Variants in WDR36 observed in about 807,000 individuals in gnomAD.
WDR36 encodes the protein WD repeat domain 36.
A neutral mutation model predicts 112.7 loss-of-function variants in WDR36; 63 were observed. The ratio of observed to expected loss-of-function variants is 0.56; its 90% CI spans 0.46 to 0.69. WDR36 has a LOEUF of 0.69. Among genes scored for constraint, WDR36 ranks in the 30% least tolerant of loss-of-function variants. WDR36 has a pLI of 0.00. For synonymous variants in WDR36, 410 were observed against 362.2 expected (o/e 1.13, Z -1.50); for missense variants, 1,226 against 1,070.3 (o/e 1.15, Z -2.03).
Position 111,105,375 on chromosome 5 carries a change from A to G in WDR36, c.1093+15A>G. 6.2e-7 allele frequency: 1 copy of G among 1,605,036 alleles called. No individual in the cohort carries two copies. The highest frequency in any genetic ancestry group is 8.5e-7 in the Non-Finnish European group (1 of 1,172,934). ...CTTGGGACATGGTAGGTCCTCTACA[A>G]GACAAAATAAGCTGGTCACGAAAGA... On this transcript the variant is annotated intron_variant, in intron 10 of 22. Coordinates refer to ENST00000513710, the MANE Select transcript of WDR36 (RefSeq NM_139281.3).
intron 2 of WDR36, among the ~76,000 whole-genome samples, chr5:111,096,403 T>C (rs1471598368): frequency 6.6e-6 from 1 of 152,186 alleles, no homozygotes; most frequent in African/African-American, 2.4e-5. Flanking sequence ...GAACTTGATG[T>C]TCCAGAAGAT....
At chr5:111,110,520 T>C (rs997211227) in intron 13 of WDR36, among the ~76,000 whole-genome samples, 1 of 151,508 alleles carries the variant, frequency 6.6e-6, no homozygotes, top group Non-Finnish European at 1.5e-5. Flanking sequence ...ATTATACAGA[T>C]TAATTTTTTT....
rs1366875217 is a variant in WDR36 at position 111,098,782 on chromosome 5, C to A, written c.352C>A (p.His118Asn). 3.7e-6 allele frequency: 6 copies of A among 1,612,768 alleles called. No individual in the cohort carries two copies. The Admixed American group carries it at 5.0e-5, about 13-fold the overall frequency. ...CCATTTCTTGCAACCCTTTGGAGAC[C>A]ACATTATCTCTGTTGATACTGATGG... The part of the protein sequence containing the change: ...EIHFLQPFGD[H>N]IISVDTDGIL... The change falls in exon 4 of 23, where the codon CAC becomes AAC. Residue 118 changes from histidine (H) to asparagine (N), a missense_variant. Physicochemically the swap from His to Asn is moderately conservative, Grantham distance 68. Coordinates refer to ENST00000513710, the MANE Select transcript of WDR36 (RefSeq NM_139281.3).
chr5:111,114,595 T>A (rs1052420970), intron 16 of WDR36, among the ~76,000 whole-genome samples: 7 of 152,202 alleles, frequency 4.6e-5, no homozygotes, highest in African/African-American at 1.7e-4. Context: ...CAGGTTTGTC[T>A]CTTTCACTTA....
In WDR36 at chr5:111,111,406, G is replaced by T. The variant is rs111878632; in HGVS notation, c.1716+128G>T. The T allele has an allele frequency of 1.3e-3, 1,008 of 785,860 alleles. 5 individuals are homozygous for T. Among genetic ancestry groups the T allele is most frequent in the African/African-American group, 8.9e-3 (509 of 57,018 alleles). The allele number at this position is 785,860 out of a possible 1,614,324, so 48.7% of individuals were successfully genotyped here. ...TTTAATTTGCAGGCTATTTTTCAAA[G>T]ATTTTAAAGGAAAATTTTGAATTAA... On this transcript the variant is annotated intron_variant, in intron 15 of 22. Transcript: ENST00000513710.
chr5:111,105,950 G>C, intron 10 of WDR36, 107 bp from the exon 11 acceptor site: 1 of 822,260 alleles, frequency 1.2e-6, no homozygotes, highest in Non-Finnish European at 2.1e-6. Context: ...ACTTAAATGG[G>C]AATATCTTGT....
intron 1 of WDR36, among the ~76,000 whole-genome samples, chr5:111,094,710 C>T (rs1407991710): frequency 6.6e-6 from 1 of 152,112 alleles, no homozygotes; most frequent in Non-Finnish European, 1.5e-5. Context: ...TTATAGAAAA[C>T]ATTTGCCTAC....
chr5:111,104,338 G>A lies in WDR36; in HGVS notation c.892G>A (p.Asp298Asn), dbSNP rs201449456. 362 of 1,611,680 alleles carry A rather than the reference G, an allele frequency of 2.2e-4. No homozygotes were observed. The highest frequency in any genetic ancestry group is 2.6e-4 in the Non-Finnish European group (308 of 1,178,362). ...REPLLVTNGA[D>N]NALRIWIFDG... ...GCCACTTCTTGTCACAAATGGCGCT[G>A]ACAATGCTCTTAGGGTATTATGATT... The change falls in exon 8 of 23, where the codon GAC becomes AAC. Residue 298 changes from aspartate (D) to asparagine (N), a missense_variant. Physicochemically the swap from Asp to Asn is conservative, Grantham distance 23. Transcript: ENST00000513710.
chr5:111,118,953 G>T, intron 16 of WDR36, 60 bp from the exon 17 acceptor site: 1 of 1,398,868 alleles, frequency 7.1e-7, no homozygotes. Flanking sequence ...AAATATTTTT[G>T]TGAATTATCT....
intron 8 of WDR36, 124 bp from the exon 9 acceptor site, chr5:111,104,573 A>G (rs1753187035): frequency 6.8e-7 from 1 of 1,475,166 alleles, no homozygotes; most frequent in South Asian, 1.1e-5. Flanking sequence ...CCTCCCTTGT[A>G]GCTCCAGAGT....
rs1455603902 is a variant in WDR36 at position 111,126,772 on chromosome 5, A to G, written c.2577A>G (p.Leu859=). The change falls in exon 23 of 23, where the codon CTA becomes CTG. Residue 859 remains leucine (L), a synonymous_variant. Transcript: ENST00000513710. ...LKMLPSEPVL[L]EEITNLSSQV... Reference sequence around the variant, plus strand: ...TGCTTCCTTCAGAGCCAGTACTCCTAGAAGAAATAACAAATTTGTCATCCC... The same window carrying G: ...TGCTTCCTTCAGAGCCAGTACTCCTGGAAGAAATAACAAATTTGTCATCCC... The G allele has an allele frequency of 6.2e-7, 1 of 1,613,794 alleles. No individual in the cohort carries two copies. The highest frequency in any genetic ancestry group is 8.5e-7 in the Non-Finnish European group (1 of 1,179,804).
rs114913118 is a variant in WDR36, at chr5:111,102,320, C to T, written c.543-25C>T. 1,108 of 1,581,512 alleles carry T rather than the reference C, an allele frequency of 7.0e-4. 7 individuals are homozygous for T. In the African/African-American group the frequency reaches 0.013, roughly 19 times the overall value. On this transcript the variant is annotated intron_variant, in intron 5 of 22. Transcript: ENST00000513710. ...TTCCTCCAAAAAAAAAAAAATACAG[C>T]TTTCAACTATTTTTCTTCTTGTAGT... is the stretch of plus-strand genomic sequence containing the variant.
At chr5:111,106,923 A>G (rs943405718) in intron 11 of WDR36, among the ~76,000 whole-genome samples, 2 of 151,088 alleles carry the variant, frequency 1.3e-5, no homozygotes, top group Admixed American at 1.3e-4. Context: ...TACTTGTTCT[A>G]CTACTCCATC....
rs766384062 is a variant in WDR36, at chr5:111,123,972, T to A, written c.2268+48T>A. The A allele has an allele frequency of 6.8e-6, 11 of 1,611,852 alleles. No homozygotes were observed. In the South Asian group the frequency reaches 1.1e-4, roughly 16 times the overall value. ...CTAAGTATATCGGTGTATGTTTGTA[T>A]GTGTTTTCTGCACTTCTTTACCAAG... On this transcript the variant is annotated intron_variant, in intron 20 of 22. Coordinates refer to ENST00000513710, the MANE Select transcript of WDR36 (RefSeq NM_139281.3).
At chr5:111,093,893 T>TTCTCC (rs1203614837) in intron 1 of WDR36, among the ~76,000 whole-genome samples, 2 of 152,202 alleles carry the variant, frequency 1.3e-5, no homozygotes, top group African/African-American at 4.8e-5. Context: ...GGCTTTTAAG[T>TTCTCC]TCTCCTCTAG....
At chr5:111,096,618 CAGTT>C (rs1271618444) in intron 2 of WDR36, among the ~76,000 whole-genome samples, 2 of 151,852 alleles carry the variant, frequency 1.3e-5, no homozygotes, top group Admixed American at 1.3e-4. Flanking sequence ...GCAGGAGAAT[CAGTT>C]AAACCTGGGA....
At chr5:111,112,425 A>G (rs998080507) in intron 15 of WDR36, among the ~76,000 whole-genome samples, 2 of 151,948 alleles carry the variant, frequency 1.3e-5, no homozygotes, top group Non-Finnish European at 2.9e-5. Context: ...ACAAATCAAC[A>G]TTTACGTATC....
At chr5:111,092,950 C>G (rs996998830) in intron 1 of WDR36, among the ~76,000 whole-genome samples, 2 of 152,218 alleles carry the variant, frequency 1.3e-5, no homozygotes, top group Non-Finnish European at 2.9e-5. Flanking sequence ...CTCTTGCATT[C>G]TTAATGAGAG....
intron 10 of WDR36, 36 bp from the exon 11 acceptor site, chr5:111,106,021 C>T (rs1753215660): frequency 1.3e-5 from 19 of 1,477,384 alleles, no homozygotes; most frequent in Non-Finnish European, 1.5e-5. Flanking sequence ...AAGAAGGATT[C>T]ATAGCTATGT....
Sources: gnomAD v4.1 joint callset for allele counts (sites outside exome capture counted in the v4.1 genomes callset) on GRCh38, gnomAD v4.1.1 for gene constraint, MANE v1.5 for transcripts, NCBI Gene and HGNC (gene_info 2026-07-23, HGNC 2026-07-21) for gene names.